PDE4B: variants seen among roughly 807,000 people sequenced by gnomAD.
The protein encoded by PDE4B is phosphodiesterase 4B.
PDE4B carries 20 observed loss-of-function variants against 82.2 expected under a neutral mutation model. The observed-to-expected ratio is 0.24, with a 90% CI of 0.17 to 0.35. The LOEUF is 0.35. PDE4B is among the 10% of genes least tolerant of loss of function. The probability of loss-of-function intolerance (pLI) is 1.00; values close to 1 mark genes in which losing one functional copy is unlikely to be tolerated. For synonymous variants in PDE4B, 320 were observed against 318.9 expected (o/e 1.00, Z -0.04); for missense variants, 655 against 907.2 (o/e 0.72, Z 3.57).
chr1:66,278,504 G>A (rs1460258502), intron 7 of PDE4B, among the ~76,000 whole-genome samples: 3 of 152,124 alleles, frequency 2.0e-5, no homozygotes, highest in Non-Finnish European at 4.4e-5. Context: ...CTAAACCTCC[G>A]GAGTTCTCCA....
chr1:65,951,476 A>AGT (rs1489115680), intron 3 of PDE4B, among the ~76,000 whole-genome samples: 2 of 152,096 alleles, frequency 1.3e-5, no homozygotes, highest in Non-Finnish European at 2.9e-5. Context: ...CAGTAAAAAA[A>AGT]GTGTCACCTC....
chr1:66,123,877 C>A (rs1645765150), intron 3 of PDE4B, among the ~76,000 whole-genome samples: 1 of 152,158 alleles, frequency 6.6e-6, no homozygotes, highest in Non-Finnish European at 1.5e-5. Flanking sequence ...CTCTTGCTCT[C>A]CCTGTCTACT....
chr1:65,955,076 G>A (rs116012942), intron 3 of PDE4B, among the ~76,000 whole-genome samples: 1,732 of 152,128 alleles, frequency 0.011, 34 homozygotes, highest in African/African-American at 0.04. Flanking sequence ...CAGACGCTTG[G>A]CACTTGTGGA....
chr1:66,023,916 T>C (rs1400612672), intron 3 of PDE4B, among the ~76,000 whole-genome samples: 1 of 152,052 alleles, frequency 6.6e-6, no homozygotes, highest in African/African-American at 2.4e-5. Flanking sequence ...GTGTCTCAAG[T>C]GGAGAGTTGA....
At chr1:66,252,962 A>G (rs1171624250) in intron 4 of PDE4B, among the ~76,000 whole-genome samples, 1 of 152,194 alleles carries the variant, frequency 6.6e-6, no homozygotes, top group East Asian at 1.9e-4. Flanking sequence ...AATAAATAAA[A>G]TAAGTAAAAT....
intron 3 of PDE4B, among the ~76,000 whole-genome samples, chr1:66,051,142 G>A (rs1016824610): frequency 4.6e-5 from 7 of 151,826 alleles, no homozygotes; most frequent in African/African-American, 1.7e-4. Flanking sequence ...CTCTCTTATG[G>A]CACATGTATA....
At chr1:65,837,093 T>TA (rs1197671816) in intron 1 of PDE4B, among the ~76,000 whole-genome samples, 1 of 142,786 alleles carries the variant, frequency 7.0e-6, no homozygotes, top group Non-Finnish European at 1.5e-5. Flanking sequence ...CAGCACCAGT[T>TA]TTTTTTTTTT....
intron 3 of PDE4B, among the ~76,000 whole-genome samples, chr1:66,200,659 G>T (rs1286589066): frequency 6.6e-6 from 1 of 152,046 alleles, no homozygotes; most frequent in African/African-American, 2.4e-5. Context: ...TCTGTTATTG[G>T]TGTATAAGAA....
intron 7 of PDE4B, among the ~76,000 whole-genome samples, chr1:66,330,397 A>G (rs1218650505): frequency 6.6e-6 from 1 of 152,126 alleles, no homozygotes; most frequent in Non-Finnish European, 1.5e-5. Context: ...TTCTGCGGGT[A>G]TAATTACTGT....
chr1:65,937,915 A>G (rs574442724), intron 3 of PDE4B, among the ~76,000 whole-genome samples: 2 of 152,310 alleles, frequency 1.3e-5, no homozygotes, highest in South Asian at 2.1e-4. Context: ...ACATTATAGT[A>G]TACAACGTCC....
intron 7 of PDE4B, among the ~76,000 whole-genome samples, chr1:66,278,995 C>T (rs762669389): frequency 1.3e-5 from 2 of 152,078 alleles, no homozygotes; most frequent in Non-Finnish European, 2.9e-5. Flanking sequence ...TCCTTTATTC[C>T]TTCCCTCTCA....
At chr1:66,043,500 G>A (rs1249614939) in intron 3 of PDE4B, among the ~76,000 whole-genome samples, 1 of 151,780 alleles carries the variant, frequency 6.6e-6, no homozygotes, top group East Asian at 1.9e-4. Context: ...CATATGGAAA[G>A]TTAAGGGGAA....
chr1:65,968,037 G>T (rs1649938617), intron 3 of PDE4B, among the ~76,000 whole-genome samples: 1 of 151,790 alleles, frequency 6.6e-6, no homozygotes, highest in African/African-American at 2.4e-5. Context: ...GAAAAAAAAT[G>T]CATACTTGAT....
intron 1 of PDE4B, among the ~76,000 whole-genome samples, chr1:65,839,156 A>G (rs980372104): frequency 2.6e-5 from 4 of 152,048 alleles, no homozygotes; most frequent in African/African-American, 9.7e-5. Context: ...AAATCTCTAT[A>G]TTATTTACCT....
intron 8 of PDE4B, among the ~76,000 whole-genome samples, chr1:66,342,328 A>G (rs961083336): frequency 1.3e-5 from 2 of 152,144 alleles, no homozygotes; most frequent in Non-Finnish European, 2.9e-5. Context: ...ATAATGTAAG[A>G]AATTAAAAGA....
intron 1 of PDE4B, among the ~76,000 whole-genome samples, chr1:65,897,165 G>A (rs571396890): frequency 2.6e-4 from 39 of 152,192 alleles, no homozygotes; most frequent in Admixed American, 3.9e-4. Flanking sequence ...TTTCAGAAGC[G>A]TCAAATAAAT....
intron 3 of PDE4B, among the ~76,000 whole-genome samples, chr1:66,100,409 A>T (rs1645199594): frequency 6.6e-6 from 1 of 152,096 alleles, no homozygotes; most frequent in Admixed American, 6.6e-5. Context: ...ATCTGTGAGG[A>T]TAGGGATTTG....
intron 3 of PDE4B, among the ~76,000 whole-genome samples, chr1:66,017,134 A>G (rs1442077738): frequency 6.6e-6 from 1 of 152,166 alleles, no homozygotes; most frequent in East Asian, 1.9e-4. Flanking sequence ...GGATTTACAT[A>G]CTTGATGTCT....
intron 2 of PDE4B, among the ~76,000 whole-genome samples, chr1:65,914,448 G>A (rs1239745324): frequency 6.9e-6 from 1 of 145,464 alleles, no homozygotes; most frequent in African/African-American, 2.5e-5. Context: ...ACTTGTGGCA[G>A]CATTTACTTC....
Sources: allele counts gnomAD v4.1 joint callset (sites outside exome capture counted in the v4.1 genomes callset), GRCh38; gene constraint gnomAD v4.1.1; transcripts MANE v1.5; gene names NCBI Gene and HGNC (gene_info 2026-07-23, HGNC 2026-07-21).